Variants in PDE4B observed in about 807,000 individuals in gnomAD.
PDE4B encodes the protein 3',5'-cyclic-AMP phosphodiesterase 4B.
PDE4B carries 20 observed loss-of-function variants against 82.2 expected under a neutral mutation model. The ratio of observed to expected loss-of-function variants is 0.24; its 90% CI spans 0.17 to 0.35. PDE4B has a LOEUF of 0.35. Among genes scored for constraint, PDE4B ranks in the 10% least tolerant of loss-of-function variants. The probability of loss-of-function intolerance (pLI) is 1.00; values close to 1 mark genes in which losing one functional copy is unlikely to be tolerated. For synonymous variants in PDE4B, 320 were observed against 318.9 expected (o/e 1.00, Z -0.04); for missense variants, 655 against 907.2 (o/e 0.72, Z 3.57).
chr1:65,883,460 C>T (rs1646733594), intron 1 of PDE4B, among the ~76,000 whole-genome samples: 1 of 151,956 alleles, frequency 6.6e-6, no homozygotes, highest in Non-Finnish European at 1.5e-5. Flanking sequence ...CTCTGTTTGT[C>T]TGTTATTGGT....
At chr1:66,362,774 C>T (rs1163401923) in intron 10 of PDE4B, among the ~76,000 whole-genome samples, 2 of 152,096 alleles carry the variant, frequency 1.3e-5, no homozygotes, top group African/African-American at 4.8e-5. Flanking sequence ...GAGGAGTTTT[C>T]CCTGAGACTG....
intron 1 of PDE4B, among the ~76,000 whole-genome samples, chr1:65,870,078 A>G (rs946200391): frequency 2.0e-5 from 3 of 152,096 alleles, no homozygotes; most frequent in African/African-American, 7.2e-5. Context: ...ATGCTCACTT[A>G]CTTTCTCCAT....
At chr1:66,262,601 C>A (rs1031411402) in intron 6 of PDE4B, among the ~76,000 whole-genome samples, 2 of 152,188 alleles carry the variant, frequency 1.3e-5, no homozygotes, top group Admixed American at 6.5e-5. Context: ...ACTGAGCAAC[C>A]AATACCACTT....
chr1:66,001,883 C>T (rs1478973940), intron 3 of PDE4B, among the ~76,000 whole-genome samples: 1 of 151,942 alleles, frequency 6.6e-6, no homozygotes, highest in Non-Finnish European at 1.5e-5. Context: ...CCACCACACC[C>T]AGCTCATTTT....
At chr1:66,151,425 A>G (rs890236239) in intron 3 of PDE4B, among the ~76,000 whole-genome samples, 1 of 152,080 alleles carries the variant, frequency 6.6e-6, no homozygotes, top group African/African-American at 2.4e-5. Flanking sequence ...TCCATGCTGA[A>G]CTCATGATAA....
intron 3 of PDE4B, among the ~76,000 whole-genome samples, chr1:66,164,208 AAATT>A (rs1646673564): frequency 6.6e-6 from 1 of 152,068 alleles, no homozygotes; most frequent in South Asian, 2.1e-4. Context: ...CCAACCCAAG[AAATT>A]ACTACTACTG....
At chr1:66,282,555 T>C (rs540206194) in intron 7 of PDE4B, among the ~76,000 whole-genome samples, 1 of 152,280 alleles carries the variant, frequency 6.6e-6, no homozygotes, top group East Asian at 1.9e-4. Context: ...AAAGTCCCAT[T>C]TTGAATAATT....
At chr1:66,043,331 A>C (rs2228693) in intron 3 of PDE4B, among the ~76,000 whole-genome samples, 79,618 of 151,578 alleles carry the variant, frequency 0.53, 21,018 homozygotes, top group East Asian at 0.58. Context: ...ATCTTTGAGC[A>C]AAACTGGTTG....
chr1:66,197,582 C>A (rs930300594), intron 3 of PDE4B, among the ~76,000 whole-genome samples: 4 of 152,114 alleles, frequency 2.6e-5, no homozygotes, highest in Non-Finnish European at 5.9e-5. Flanking sequence ...CAGTGAAAAA[C>A]CATCTTTGCT....
intron 3 of PDE4B, among the ~76,000 whole-genome samples, chr1:66,155,995 CAGG>C (rs1258706644): frequency 1.3e-5 from 2 of 152,138 alleles, no homozygotes; most frequent in African/African-American, 2.4e-5. Flanking sequence ...ATGACAGAAT[CAGG>C]AGAAGTAGAA....
intron 1 of PDE4B, among the ~76,000 whole-genome samples, chr1:65,844,365 G>T (rs1158003689): frequency 6.6e-6 from 1 of 152,160 alleles, no homozygotes; most frequent in African/African-American, 2.4e-5. Flanking sequence ...AAAGTAGTGC[G>T]CATGGAAGTG....
chr1:66,118,162 G>T (rs1412686683), intron 3 of PDE4B, among the ~76,000 whole-genome samples: 1 of 152,038 alleles, frequency 6.6e-6, no homozygotes, highest in Non-Finnish European at 1.5e-5. Context: ...GGGGTTGTTT[G>T]TTTTTTTCTT....
At chr1:66,003,630 T>C (rs1004499221) in intron 3 of PDE4B, among the ~76,000 whole-genome samples, 1 of 152,156 alleles carries the variant, frequency 6.6e-6, no homozygotes, top group African/African-American at 2.4e-5. Context: ...CTGAGACTAT[T>C]TGTTGCAGCA....
intron 3 of PDE4B, among the ~76,000 whole-genome samples, chr1:66,063,435 G>A (rs781083583): frequency 4.4e-4 from 67 of 151,978 alleles, no homozygotes; most frequent in Non-Finnish European, 8.2e-4. Flanking sequence ...TAATTCTAAT[G>A]TGAAGCCAAG....
At chr1:66,129,337 C>T (rs548784088) in intron 3 of PDE4B, among the ~76,000 whole-genome samples, 31 of 152,138 alleles carry the variant, frequency 2.0e-4, no homozygotes, top group Non-Finnish European at 2.5e-4. Context: ...CTGCCCCTTA[C>T]GAAGTCTGTA....
chr1:66,079,728 G>A (rs1225395708), intron 3 of PDE4B, among the ~76,000 whole-genome samples: 3 of 152,054 alleles, frequency 2.0e-5, no homozygotes, highest in Admixed American at 6.6e-5. Context: ...AAAATATTTT[G>A]TATAATGCAA....
intron 1 of PDE4B, among the ~76,000 whole-genome samples, chr1:65,811,635 T>TAATC (rs1645822696): frequency 1.3e-5 from 2 of 152,184 alleles, no homozygotes. Context: ...TTGTGACTAA[T>TAATC]AATCCCTCCT....
chr1:66,169,715 G>A (rs1646803580), intron 3 of PDE4B, among the ~76,000 whole-genome samples: 1 of 152,160 alleles, frequency 6.6e-6, no homozygotes, highest in African/African-American at 2.4e-5. Context: ...AGAACATGCT[G>A]ACATATCACC....
At chr1:66,104,060 G>A (rs1010463671) in intron 3 of PDE4B, among the ~76,000 whole-genome samples, 5 of 151,084 alleles carry the variant, frequency 3.3e-5, no homozygotes, top group African/African-American at 1.2e-4. Context: ...TTAGCATTAG[G>A]TATATCTCCT....
Sources: gnomAD v4.1 joint callset for allele counts (sites outside exome capture counted in the v4.1 genomes callset) on GRCh38, gnomAD v4.1.1 for gene constraint, MANE v1.5 for transcripts, NCBI Gene and HGNC (gene_info 2026-07-23, HGNC 2026-07-21) for gene names.